YES1: variants seen among roughly 807,000 people sequenced by gnomAD.
YES1 encodes the protein tyrosine-protein kinase Yes.
A neutral mutation model predicts 70.4 loss-of-function variants in YES1; 39 were observed. The observed-to-expected ratio is 0.55, with a 90% CI of 0.43 to 0.72. The LOEUF is 0.72. Among genes scored for constraint, YES1 ranks in the 30% least tolerant of loss-of-function variants. The pLI is 0.00. For missense variants in YES1, 495 were observed against 644.8 expected (o/e 0.77, Z 2.52); for synonymous variants, 198 against 218.6 (o/e 0.91, Z 0.83).
At chr18:743,704 G>A (rs933050936) in intron 6 of YES1, among the ~76,000 whole-genome samples, 6 of 151,874 alleles carry the variant, frequency 4.0e-5, no homozygotes, top group Non-Finnish European at 5.9e-5. Context: ...TCAGGAGTTC[G>A]AGACTAGCCT....
intron 11 of YES1, among the ~76,000 whole-genome samples, chr18:728,172 C>T (rs929809243): frequency 2.6e-5 from 4 of 151,812 alleles, no homozygotes; most frequent in Non-Finnish European, 5.9e-5. Flanking sequence ...CCTGTCTCTA[C>T]AAAAATTAGC....
intron 10 of YES1, among the ~76,000 whole-genome samples, chr18:735,161 C>CAAAAAAAAAAAAAAAAAAAAAAAA (rs71174281): frequency 2.8e-4 from 31 of 110,626 alleles, no homozygotes; most frequent in Middle Eastern, 5.4e-3. Context: ...TGTCTCAAAG[C>CAAAAAAAAAAAAAAAAAAAAAAAA]AAAAAAAAAA....
At chr18:801,637 A>T (rs1287702916) in intron 1 of YES1, among the ~76,000 whole-genome samples, 2 of 152,220 alleles carry the variant, frequency 1.3e-5, no homozygotes, top group African/African-American at 4.8e-5. Context: ...GTACAGTAGC[A>T]ATTTGATCCA....
intron 1 of YES1, among the ~76,000 whole-genome samples, chr18:769,504 T>C (rs535507509): frequency 6.7e-4 from 102 of 152,312 alleles, no homozygotes; most frequent in African/African-American, 2.3e-3. Context: ...GTTCTCAATC[T>C]TAAGAGGAAA....
chr18:726,625 T>C (rs1036506831), intron 11 of YES1, among the ~76,000 whole-genome samples: 2 of 146,818 alleles, frequency 1.4e-5, no homozygotes, highest in African/African-American at 5.0e-5. Flanking sequence ...ACTAAAAATA[T>C]AAAAACTAAC....
intron 1 of YES1, among the ~76,000 whole-genome samples, chr18:803,865 A>G (rs939155067): frequency 1.2e-4 from 19 of 152,342 alleles, no homozygotes; most frequent in Middle Eastern, 3.4e-3. Flanking sequence ...TTTTACCACC[A>G]AAGTATTATT....
Position 799,930 on chromosome 18 carries a change from A to T in YES1, c.-9+12184T>A, listed in dbSNP as rs576300543. Among the ~76,000 whole-genome samples the T allele has an allele frequency of 2.3e-3, 353 of 152,240 alleles. 2 individuals are homozygous for T. Among genetic ancestry groups the T allele is most frequent in the African/African-American group, 8.2e-3 (341 of 41,558 alleles). ...AAAAACAAAAAAAAAAGAAGGTATG[A>T]TTGCTGGACATATATTTATGGAATA... On this transcript the variant is annotated intron_variant, in intron 1 of 11. Coordinates refer to ENST00000314574, the MANE Select transcript of YES1 (RefSeq NM_005433.4).
chr18:799,689 C>T (rs954064019), intron 1 of YES1, among the ~76,000 whole-genome samples: 1 of 151,682 alleles, frequency 6.6e-6, no homozygotes, highest in Admixed American at 6.6e-5. Flanking sequence ...GGCAACAGAG[C>T]GAGACTCCAT....
intron 1 of YES1, among the ~76,000 whole-genome samples, chr18:791,467 AC>A (rs1304355136): frequency 6.6e-6 from 1 of 151,988 alleles, no homozygotes; most frequent in Non-Finnish European, 1.5e-5. Context: ...ATTTTTACTC[AC>A]CCCTTAAAGA....
At chr18:781,531 C>A (rs1905669941) in intron 1 of YES1, among the ~76,000 whole-genome samples, 1 of 152,136 alleles carries the variant, frequency 6.6e-6, no homozygotes, top group African/African-American at 2.4e-5. Context: ...ACTGAATTGT[C>A]ACTGCCTGTT....
intron 1 of YES1, among the ~76,000 whole-genome samples, chr18:772,757 T>A (rs1598924653): frequency 6.6e-6 from 1 of 152,148 alleles, no homozygotes; most frequent in South Asian, 2.1e-4. Flanking sequence ...GTATTTCTGA[T>A]GTTTCTGGCT....
chr18:786,516 C>CAT (rs1905953179), intron 1 of YES1, among the ~76,000 whole-genome samples: 2 of 151,612 alleles, frequency 1.3e-5, no homozygotes, highest in African/African-American at 4.8e-5. Flanking sequence ...CACACACACA[C>CAT]ACACACACAC....
At chr18:794,335 T>C (rs556627205) in intron 1 of YES1, among the ~76,000 whole-genome samples, 32 of 152,248 alleles carry the variant, frequency 2.1e-4, no homozygotes, top group African/African-American at 6.5e-4. Context: ...ACAAAACCAG[T>C]AGTCTAACTT....
chr18:777,179 A>T (rs1390688682), intron 1 of YES1, among the ~76,000 whole-genome samples: 1 of 152,198 alleles, frequency 6.6e-6, no homozygotes, highest in African/African-American at 2.4e-5. Context: ...ACATAGAAGA[A>T]CAAGAAGGGG....
In YES1 at chr18:756,786, A is replaced by C. The variant is rs2080413196; in HGVS notation, c.42T>G (p.Ile14Met). 3 of 1,614,162 alleles carry C rather than the reference A, an allele frequency of 1.9e-6. No individual in the cohort carries two copies. The East Asian group carries it at 6.7e-5, about 36-fold the overall frequency. The part of the protein sequence containing the change: ...IKSKENKSPA[I>M]KYRPENTPEP... ...CTGGAGTATTTTCAGGTCTGTATTT[A>C]ATGGCTGGACTTTTGTTTTCTTTAC... Residue 14 changes from isoleucine to methionine, a missense_variant, in exon 2 of 12, where the codon ATT becomes ATG. Physicochemically the swap from Ile to Met is conservative, Grantham distance 10. This residue lies in a region of YES1 where 110 missense variants were observed against 104.0 expected (regional missense o/e 1.06). Coordinates refer to ENST00000314574, the MANE Select transcript of YES1 (RefSeq NM_005433.4).
chr18:777,680 G>A lies in YES1; in HGVS notation c.-8-20845C>T, dbSNP rs139749589. On this transcript the variant is annotated intron_variant, in intron 1 of 11. Coordinates refer to ENST00000314574, the MANE Select transcript of YES1 (RefSeq NM_005433.4). Reference sequence around the variant, plus strand: ...AAATCAGCCAGGCATGGTGGTGTGCGCCTGTAATCCCAGCTACTTGGGAGG... The same window carrying A: ...AAATCAGCCAGGCATGGTGGTGTGCACCTGTAATCCCAGCTACTTGGGAGG... 3.0e-4 allele frequency among the ~76,000 whole-genome samples: 45 copies of A among 151,984 alleles called. 1 individual carries two copies. The highest frequency in any genetic ancestry group is 1.9e-3 in the South Asian group (9 of 4,816).
chr18:781,328 C>G (rs1354265387), intron 1 of YES1, among the ~76,000 whole-genome samples: 4 of 151,544 alleles, frequency 2.6e-5, no homozygotes, highest in Admixed American at 6.6e-5. Context: ...CCTCTCTTGG[C>G]TCTTGATTTC....
chr18:806,246 G>A (rs558659299), intron 1 of YES1, among the ~76,000 whole-genome samples: 39 of 152,134 alleles, frequency 2.6e-4, no homozygotes, highest in Middle Eastern at 3.4e-3. Context: ...CACTAAAATA[G>A]TACAACGTAT....
In YES1 at chr18:754,093, T is replaced by TC. The variant is rs1035325323; in HGVS notation, c.272-2290dup. ...TCTATACTGCTTCTCTACCATCCAT[T>TC]CCCCACACAGATGTCAGAGTCAGTT... On this transcript the variant is annotated intron_variant, in intron 2 of 11. Coordinates refer to ENST00000314574, the MANE Select transcript of YES1 (RefSeq NM_005433.4). 9.9e-5 allele frequency among the ~76,000 whole-genome samples: 15 copies of TC among 152,222 alleles called. No individual in the cohort carries two copies. The South Asian group carries it at 1.0e-3, about 11-fold the overall frequency.
Sources: allele counts gnomAD v4.1 joint callset (sites outside exome capture counted in the v4.1 genomes callset), GRCh38; gene constraint gnomAD v4.1.1; regional missense constraint gnomAD v4.1.1; transcripts MANE v1.5; gene names NCBI Gene and HGNC (gene_info 2026-07-23, HGNC 2026-07-21).